The following CTNNA2 variants were observed in gnomAD, a reference collection of about 807,000 sequenced individuals.
CTNNA2 encodes the protein catenin alpha-2.
CTNNA2 carries 42 observed loss-of-function variants against 101.0 expected under a neutral mutation model. The observed-to-expected ratio is 0.42, with a 90% CI of 0.32 to 0.54. The LOEUF is 0.54. CTNNA2 is among the 20% of genes least tolerant of loss of function. The probability of loss-of-function intolerance (pLI) is 0.14; values close to 1 mark genes in which losing one functional copy is unlikely to be tolerated. For missense variants in CTNNA2, 871 were observed against 1,223.1 expected (o/e 0.71, Z 4.29); for synonymous variants, 450 against 456.4 (o/e 0.99, Z 0.18).
chr2:80,196,162 A>G (rs1418435622), intron 7 of CTNNA2, among the ~76,000 whole-genome samples: 1 of 152,142 alleles, frequency 6.6e-6, no homozygotes, highest in Non-Finnish European at 1.5e-5. Context: ...GGGAGACTGT[A>G]AAAAACATAT....
At chr2:79,248,346 T>G (rs1674724285) in intron 2 of CTNNA2, among the ~76,000 whole-genome samples, 1 of 151,730 alleles carries the variant, frequency 6.6e-6, no homozygotes, top group Admixed American at 6.6e-5. Flanking sequence ...AAAATTATTT[T>G]TAATAATATT....
chr2:80,238,368 T>C (rs1341906094), intron 7 of CTNNA2, among the ~76,000 whole-genome samples: 2 of 152,140 alleles, frequency 1.3e-5, no homozygotes, highest in East Asian at 3.9e-4. Context: ...GAGTTGCTGG[T>C]TCCCCAGGAG....
intron 7 of CTNNA2, among the ~76,000 whole-genome samples, chr2:79,950,523 A>G (rs1688807759): frequency 6.6e-6 from 1 of 152,192 alleles, no homozygotes; most frequent in Admixed American, 6.5e-5. Flanking sequence ...GGCCTTACCT[A>G]AGGGGTTCAG....
intron 1 of CTNNA2, among the ~76,000 whole-genome samples, chr2:79,623,775 A>G (rs951471743): frequency 2.6e-5 from 4 of 152,184 alleles, no homozygotes; most frequent in African/African-American, 7.2e-5. Context: ...ATGATTGTAA[A>G]TGGAAGAAAA....
intron 7 of CTNNA2, among the ~76,000 whole-genome samples, chr2:79,969,301 A>G (rs1467554203): frequency 1.3e-5 from 2 of 152,346 alleles, no homozygotes; most frequent in East Asian, 1.9e-4. Flanking sequence ...AACTAAGCCA[A>G]CTATTTCTTG....
intron 3 of CTNNA2, among the ~76,000 whole-genome samples, chr2:79,853,400 TCAA>T (rs1238941294): frequency 6.6e-6 from 1 of 152,154 alleles, no homozygotes; most frequent in African/African-American, 2.4e-5. Context: ...TCTAAGATCA[TCAA>T]CAATTCTGAG....
At chr2:80,462,071 C>T (rs1369305074) in intron 9 of CTNNA2, among the ~76,000 whole-genome samples, 1 of 152,176 alleles carries the variant, frequency 6.6e-6, no homozygotes, top group Non-Finnish European at 1.5e-5. Context: ...GTGCCTTGGG[C>T]CTTGCCTTAG....
At chr2:79,470,944 T>C (rs1022474867) in intron 4 of CTNNA2, among the ~76,000 whole-genome samples, 19 of 152,202 alleles carry the variant, frequency 1.2e-4, no homozygotes, top group African/African-American at 2.4e-4. Context: ...AATACAACCA[T>C]ATATTTTCAG....
At chr2:79,327,255 A>G (rs74712309) in intron 3 of CTNNA2, among the ~76,000 whole-genome samples, 207 of 152,268 alleles carry the variant, frequency 1.4e-3, no homozygotes, top group African/African-American at 4.6e-3. Context: ...ATTTTATATT[A>G]TTGGTGTCTC....
intron 1 of CTNNA2, among the ~76,000 whole-genome samples, chr2:79,593,587 C>G (rs917504374): frequency 1.3e-5 from 2 of 152,074 alleles, no homozygotes; most frequent in African/African-American, 2.4e-5. Flanking sequence ...TTCCTCCCAC[C>G]ATGTCATCCT....
intron 2 of CTNNA2, among the ~76,000 whole-genome samples, chr2:79,279,279 A>G (rs1675297729): frequency 6.6e-6 from 1 of 152,126 alleles, no homozygotes; most frequent in African/African-American, 2.4e-5. Flanking sequence ...TAGAAAAGAC[A>G]AAGTTCAGAA....
At chr2:80,162,091 A>T (rs533629949) in intron 7 of CTNNA2, among the ~76,000 whole-genome samples, 96 of 152,144 alleles carry the variant, frequency 6.3e-4, no homozygotes, top group Non-Finnish European at 1.2e-3. Flanking sequence ...GTCAACCTGG[A>T]TGTTTTCTTG....
chr2:79,271,846 C>A (rs1675090899), intron 2 of CTNNA2, among the ~76,000 whole-genome samples: 1 of 152,028 alleles, frequency 6.6e-6, no homozygotes, highest in Non-Finnish European at 1.5e-5. Context: ...GGCTCCATCC[C>A]TATCCCAGGT....
At chr2:79,208,647 G>T (rs1298226601) in intron 2 of CTNNA2, among the ~76,000 whole-genome samples, 2 of 152,136 alleles carry the variant, frequency 1.3e-5, no homozygotes, top group African/African-American at 2.4e-5. Context: ...AATCTTGGCT[G>T]TCAGTCAAGC....
At chr2:79,637,454 G>T (rs533989051) in intron 1 of CTNNA2, among the ~76,000 whole-genome samples, 1 of 152,302 alleles carries the variant, frequency 6.6e-6, no homozygotes, top group East Asian at 1.9e-4. Context: ...GGTCACCTTA[G>T]AATGATTATG....
chr2:79,775,034 T>C (rs994164346), intron 3 of CTNNA2, among the ~76,000 whole-genome samples: 4 of 152,184 alleles, frequency 2.6e-5, no homozygotes, highest in African/African-American at 9.6e-5. Context: ...GCTTATCTAG[T>C]TGGAACATTG....
intron 7 of CTNNA2, among the ~76,000 whole-genome samples, chr2:80,159,287 C>T (rs1704168367): frequency 6.6e-6 from 1 of 152,152 alleles, no homozygotes; most frequent in Non-Finnish European, 1.5e-5. Context: ...TATCCTCTGC[C>T]ACCACACGTT....
At chr2:80,245,796 T>A (rs909824222) in intron 7 of CTNNA2, among the ~76,000 whole-genome samples, 7 of 46,980 alleles carry the variant, frequency 1.5e-4, no homozygotes, top group African/African-American at 9.6e-4. Flanking sequence ...TGATTTAACT[T>A]TTTTTTTTTT....
chr2:80,578,227 CAA>C (rs1175754458), intron 13 of CTNNA2, among the ~76,000 whole-genome samples: 1 of 148,538 alleles, frequency 6.7e-6, no homozygotes, highest in African/African-American at 2.6e-5. Context: ...ACTTCCATAA[CAA>C]AACATAAAAT....
Sources: gnomAD v4.1 joint callset for allele counts (sites outside exome capture counted in the v4.1 genomes callset) on GRCh38, gnomAD v4.1.1 for gene constraint, MANE v1.5 for transcripts, NCBI Gene and HGNC (gene_info 2026-07-23, HGNC 2026-07-21) for gene names.